THBS1: variants seen among roughly 807,000 people sequenced by gnomAD.
The protein encoded by THBS1 is thrombospondin 1.
Under a neutral mutation model 126.1 loss-of-function variants are expected in THBS1, and 29 were observed. The observed-to-expected ratio is 0.23, with a 90% confidence interval of 0.17 to 0.31. THBS1 has a LOEUF of 0.31. Among genes scored for constraint, THBS1 ranks in the 10% least tolerant of loss-of-function variants. The pLI, the probability that THBS1 is intolerant of heterozygous loss-of-function variation, is 1.00. For missense variants in THBS1, 1,198 were observed against 1,545.2 expected, an observed-to-expected ratio of 0.78 and a Z score of 3.77; for synonymous variants, 496 against 577.8, an observed-to-expected ratio of 0.86 and a Z score of 2.03.
In THBS1 at chr15:39,593,120, T is replaced by C. The variant is rs1346966397; in HGVS notation, c.2888T>C (p.Ile963Thr). ...SETDFRRFQM[I>T]PLDPKGTSQN... ...ACCGATTTCCGCCGATTCCAGATGA[T>C]TCCTCTGGACCCCAAAGGGACATCC... The change falls in exon 18 of 22, where the codon ATT becomes ACT. Residue 963 changes from isoleucine (I) to threonine (T), a missense_variant. Physicochemically the swap from Ile to Thr is moderately conservative, Grantham distance 89. Coordinates refer to ENST00000260356, the MANE Select transcript of THBS1 (RefSeq NM_003246.4). The surrounding 1 kb of genome is among the most constrained non-coding windows in gnomAD (Gnocchi z 5.9). 6.3e-7 allele frequency: 1 copy of C among 1,599,722 alleles called. No homozygotes were observed. Among genetic ancestry groups the C allele is most frequent in the Non-Finnish European group, 8.5e-7 (1 of 1,173,664 alleles).
rs1420981679 is a variant in THBS1 at position 39,589,076 on chromosome 15, A to G, written c.1763A>G (p.Asp588Gly). The G allele has an allele frequency of 6.2e-7, 1 of 1,614,156 alleles. No homozygotes were observed. Among genetic ancestry groups the G allele is most frequent in the Non-Finnish European group, 8.5e-7 (1 of 1,180,034 alleles). The change falls in exon 11 of 22, where the codon GAT (aspartate) becomes GGT (glycine). Residue 588 changes from aspartate (D) to glycine (G), a missense_variant. Asp to Gly is a moderately conservative substitution (Grantham distance 94). This residue lies in a region of THBS1 where 663 missense variants were observed against 860.1 expected (regional missense o/e 0.77). Coordinates refer to ENST00000260356, the MANE Select transcript of THBS1 (RefSeq NM_003246.4). This position sits in a 1 kb window ranked among gnomAD's most constrained non-coding sequence, Gnocchi z 4.7. Reference protein sequence around the residue: ...GYSGNGIQCTDVDECKEVPDA... With the variant: ...GYSGNGIQCTGVDECKEVPDA... ...AGTGGAAATGGCATCCAGTGCACAG[A>G]TGTTGATGAGGTGAGGAACTGATGG...
chr15:39,584,543 G>GTT (rs5812127), intron 6 of THBS1, 121 bp downstream of exon 6: 4,117 of 1,190,418 alleles, frequency 3.5e-3, no homozygotes, highest in East Asian at 0.012. Flanking sequence ...ATAACAAAGT[G>GTT]TTTTTTTTTT....
rs1890526337 is a variant in THBS1 at position 39,598,354 on chromosome 15, A to T, written c.*2985A>T. The T allele has an allele frequency of 2.0e-5, 3 of 152,236 alleles. No homozygotes were observed. In the South Asian group the frequency reaches 6.2e-4, roughly 31 times the overall value. 9.4% of individuals were successfully genotyped at this position (152,236 alleles called of 1,614,324 possible). A position where few individuals can be genotyped will look rare whatever the true frequency, so the allele number is the denominator to read the frequency against. On this transcript the variant is annotated 3_prime_UTR_variant, in exon 22 of 22. Transcript: ENST00000260356. ...GATCACATACAAATGTAAATTGCCA[A>T]ATCATTTTATAGTACCAAGGTGAAG...
chr15:39,587,518 G>A lies in THBS1; in HGVS notation c.1292G>A (p.Arg431Lys), dbSNP rs1890231981. 1 of 1,610,770 alleles carries A rather than the reference G, an allele frequency of 6.2e-7. No homozygotes were observed. Among genetic ancestry groups the A allele is most frequent in the East Asian group, 2.2e-5 (1 of 44,788 alleles). Residue 431 changes from arginine (R) to lysine (K), a missense_variant and splice_region_variant, in exon 8 of 22, where the codon AGA becomes AAA. This residue lies in a region of THBS1 where 663 missense variants were observed against 860.1 expected (regional missense o/e 0.77). Transcript: ENST00000260356. ...TGCCACATTCAGGAGTGTGACAAGA[G>A]ATGTAAGCATCTTAGCCTCTCAGGG... ...RTCHIQECDK[R>K]FKQDGGWSHW... is the part of the protein sequence containing the mutation.
At position 39,593,298 on chromosome 15, in the gene THBS1, G is replaced by A. The variant is rs113940922; in HGVS notation, c.2995+71G>A. The A allele has an allele frequency of 5.5e-4, 893 of 1,611,014 alleles. 8 individuals are homozygous for A. In the African/African-American group the frequency reaches 7.6e-3, roughly 14 times the overall value. On this transcript the variant is annotated intron_variant, in intron 18 of 21. Transcript: ENST00000260356. This position sits in a 1 kb window ranked among gnomAD's most constrained non-coding sequence, Gnocchi z 5.9. ...GGAAAAACAAATATAAAACCTGGCA[G>A]TTGTACCTATCCCTGTGGGTGCTGA...
At chr15:39,585,100 C>CA (rs140556360) in intron 6 of THBS1, among the ~76,000 whole-genome samples, 1 of 152,120 alleles carries the variant, frequency 6.6e-6, no homozygotes, top group African/African-American at 2.4e-5. Context: ...CTTCCTCCCC[C>CA]CAAACACATA....
chr15:39,594,204 C>T lies in THBS1; in HGVS notation c.3365+8C>T. 1 of 1,614,114 alleles carries T rather than the reference C, an allele frequency of 6.2e-7. No homozygotes were observed. Among genetic ancestry groups the T allele is most frequent in the African/African-American group, 1.3e-5 (1 of 75,048 alleles). On this transcript the variant is annotated splice_region_variant and intron_variant, in intron 20 of 21. Transcript: ENST00000260356. The surrounding 1 kb of genome is among the most constrained non-coding windows in gnomAD (Gnocchi z 4.4). ...AAAGACGGGTTTCATTAGGTACGATCATACTGATTCACTTTCACTTACAGT... is the reference window on the plus strand; with the variant it reads ...AAAGACGGGTTTCATTAGGTACGATTATACTGATTCACTTTCACTTACAGT...
intron 8 of THBS1, 41 bp from the exon 9 acceptor site, chr15:39,588,001 C>T: frequency 6.3e-7 from 1 of 1,594,732 alleles, no homozygotes; most frequent in Non-Finnish European, 8.6e-7. Flanking sequence ...TTGGCTGTCT[C>T]TAAGCCAAAA....
rs1297063008 is a variant in THBS1 at position 39,583,912 on chromosome 15, GTCT to G, written c.704-72_704-70del. 1.0e-5 allele frequency: 16 copies of G among 1,550,222 alleles called. No individual in the cohort carries two copies. In the Admixed American group the frequency reaches 2.9e-4, roughly 28 times the overall value. ...CTGCATCCTTCACACCAAATGAAAC[GTCT>G]TCTACCACTAAGAACTCAAGAGGCT... On this transcript the variant is annotated intron_variant, in intron 4 of 21. Coordinates refer to ENST00000260356, the MANE Select transcript of THBS1 (RefSeq NM_003246.4).
At position 39,582,003 on chromosome 15, in the gene THBS1, C is replaced by T; in HGVS notation, c.67+79C>T. ...TATCCCAGGTGTGCCCCCTCACGTG[C>T]TGTCCTCTCCCTCTTGAGCCTGACT... On this transcript the variant is annotated intron_variant, in intron 2 of 21. Transcript: ENST00000260356. The T allele has an allele frequency of 3.4e-6, 5 of 1,479,380 alleles. No homozygotes were observed. In the Admixed American group the frequency reaches 6.8e-5, roughly 20 times the overall value. 91.6% of individuals were successfully genotyped at this position (1,479,380 alleles called of 1,614,324 possible).
chr15:39,581,596 T>G (rs1890103594), intron 1 of THBS1: 1 of 429,912 alleles, frequency 2.3e-6, no homozygotes, highest in African/African-American at 2.1e-5. Context: ...AAATTGTTGG[T>G]CTTGCGCCCC....
Position 39,595,518 on chromosome 15 carries a change from G to T in THBS1, c.*149G>T, listed in dbSNP as rs553238054. On this transcript the variant is annotated 3_prime_UTR_variant, in exon 22 of 22. Transcript: ENST00000260356. ...ATCAGTGTGGACTCCTAGAACGTGC[G>T]ACCTGCCTCAAGAAAATGCAGTTTT... is the stretch of plus-strand genomic sequence containing the variant. The T allele has an allele frequency of 2.3e-5, 24 of 1,031,190 alleles. No individual in the cohort carries two copies. The highest frequency in any genetic ancestry group is 3.1e-5 in the Non-Finnish European group (22 of 719,196). The allele number at this position is 1,031,190 out of a possible 1,614,324, so 63.9% of individuals were successfully genotyped here. A position where few individuals can be genotyped will look rare whatever the true frequency, so the allele number is the denominator to read the frequency against.
Position 39,594,022 on chromosome 15 carries a change from T to C in THBS1, c.3268-77T>C. On this transcript the variant is annotated intron_variant, in intron 19 of 21. Transcript: ENST00000260356. The surrounding 1 kb of genome is among the most constrained non-coding windows in gnomAD (Gnocchi z 4.4). ...AGATCAGCTCAGTACCTTTCAAGCA[T>C]TGTTTCTGATGGAATGAAATAGAAA... is the stretch of plus-strand genomic sequence containing the variant. The C allele has an allele frequency of 1.4e-6, 2 of 1,442,212 alleles. No individual in the cohort carries two copies. The highest frequency in any genetic ancestry group is 2.6e-5 in the South Asian group (2 of 78,080). 89.3% of individuals were successfully genotyped at this position (1,442,212 alleles called of 1,614,324 possible). A position where few individuals can be genotyped will look rare whatever the true frequency, so the allele number is the denominator to read the frequency against.
Position 39,589,029 on chromosome 15 carries a change from T to C in THBS1, c.1716T>C (p.Cys572=), listed in dbSNP as rs144018687. The C allele has an allele frequency of 1.8e-5, 29 of 1,614,110 alleles. No homozygotes were observed. The African/African-American group carries it at 3.7e-4, about 21-fold the overall frequency. The change falls in exon 11 of 22, where the codon TGT becomes TGC. Residue 572 remains cysteine, a synonymous_variant. Coordinates refer to ENST00000260356, the MANE Select transcript of THBS1 (RefSeq NM_003246.4). The surrounding 1 kb of genome is among the most constrained non-coding windows in gnomAD (Gnocchi z 4.7). ...GCTACCCTGATGGCAGCTGGAAATG[T>C]GGTGCTTGTCCCCCTGGTTACAGTG... ...CTSYPDGSWK[C]GACPPGYSGN...
chr15:39,590,142 A>T, intron 13 of THBS1, 119 bp downstream of exon 13: 9 of 951,212 alleles, frequency 9.5e-6, no homozygotes, highest in African/African-American at 1.7e-5. Context: ...AAATCTCCCA[A>T]AGGGAGAGGG....
At chr15:39,584,246 G>A (rs1890168333) in intron 5 of THBS1, 54 bp from the exon 6 acceptor site, 1 of 1,614,156 alleles carries the variant, frequency 6.2e-7, no homozygotes, top group Non-Finnish European at 8.5e-7. Flanking sequence ...ATCGCAGATG[G>A]TCCCAAATGA....
intron 14 of THBS1, 61 bp downstream of exon 14, chr15:39,590,684 T>C: frequency 7.0e-7 from 1 of 1,421,448 alleles, no homozygotes; most frequent in Non-Finnish European, 9.9e-7. Context: ...TGAAACACTT[T>C]GGGATTCAAG....
At chr15:39,584,573 C>A in intron 6 of THBS1, 151 bp downstream of exon 6, 2 of 1,043,662 alleles carry the variant, frequency 1.9e-6, no homozygotes, top group Non-Finnish European at 2.7e-6. Flanking sequence ...GCAATTATGG[C>A]ATCTATAAGT....
Position 39,583,620 on chromosome 15 carries a change from G to T in THBS1, c.631G>T (p.Val211Leu). The T allele has an allele frequency of 6.2e-7, 1 of 1,613,824 alleles. No homozygotes were observed. Among genetic ancestry groups the T allele is most frequent in the South Asian group, 1.1e-5 (1 of 91,048 alleles). ...KGGVNDNFQG[V>L]LQNVRFVFGT... The stretch of plus-strand genomic sequence containing the variant: ...AATGTGTGTCCTCTGCCCACAGGGG[G>T]TGCTGCAGAATGTGAGGTTTGTCTT... The change falls in exon 4 of 22, where the codon GTG becomes TTG. Residue 211 changes from valine (V) to leucine (L), a missense_variant. Around this residue, in one of 4 missense-constraint regions of THBS1, gnomAD observed 271 missense variants for 277.0 expected, o/e 0.98. Transcript: ENST00000260356.
Sources: allele counts gnomAD v4.1 joint callset (sites outside exome capture counted in the v4.1 genomes callset), GRCh38; gene constraint gnomAD v4.1.1; regional missense constraint gnomAD v4.1.1; non-coding constraint Gnocchi (gnomAD v3.1); transcripts MANE v1.5; gene names NCBI Gene and HGNC (gene_info 2026-07-23, HGNC 2026-07-21).